DMD: variants seen among roughly 807,000 people sequenced by gnomAD.
DMD encodes mutant dystrophin.
A neutral mutation model predicts 330.1 loss-of-function variants in DMD; 63 were observed. The observed-to-expected ratio is 0.19, with a 90% CI of 0.16 to 0.24. The LOEUF is 0.24. Among genes scored for constraint, DMD ranks in the 10% least tolerant of loss-of-function variants. DMD has a pLI of 1.00. For missense variants in DMD, 3,344 were observed against 2,684.1 expected, an observed-to-expected ratio of 1.25 and a Z score of -5.43; for synonymous variants, 1,223 against 959.8, an observed-to-expected ratio of 1.27 and a Z score of -5.07.
intron 4 of DMD, among the ~76,000 whole-genome samples, chrX:32,835,609 T>G (rs781308387): frequency 8.9e-6 from 1 of 111,898 alleles, no homozygotes; most frequent in Non-Finnish European, 1.9e-5. Flanking sequence ...AACACAGACG[T>G]AGTGTCTGAG....
intron 20 of DMD, among the ~76,000 whole-genome samples, chrX:32,489,053 G>T (rs2042743778): frequency 9.0e-6 from 1 of 111,058 alleles, no homozygotes; most frequent in South Asian, 3.8e-4. Flanking sequence ...GTTTTTCCCT[G>T]TTACTCATTC....
chrX:32,212,018 A>G, intron 44 of DMD, among the ~76,000 whole-genome samples: 1 of 111,815 alleles, frequency 8.9e-6, no homozygotes, highest in South Asian at 3.7e-4. Flanking sequence ...TCCTATTTTC[A>G]CTGAAGGGAC....
chrX:32,924,859 C>T (rs1040515330), intron 2 of DMD, among the ~76,000 whole-genome samples: 3 of 111,112 alleles, frequency 2.7e-5, no homozygotes, highest in African/African-American at 9.8e-5. Flanking sequence ...AGTACTTCAG[C>T]AGTAGGTCAG....
At chrX:32,819,541 G>A (rs1410922531) in intron 5 of DMD, among the ~76,000 whole-genome samples, 1 of 111,836 alleles carries the variant, frequency 8.9e-6, no homozygotes, top group Non-Finnish European at 1.9e-5. Flanking sequence ...ACCTGCCTAT[G>A]TTACAAAATA....
chrX:31,536,888 C>G (rs941396561), intron 55 of DMD, among the ~76,000 whole-genome samples: 2 of 111,755 alleles, frequency 1.8e-5, no homozygotes, highest in African/African-American at 6.5e-5. Flanking sequence ...GCCATTTAAA[C>G]ATGTGTAAGT....
At chrX:32,474,204 T>TACACACACACACACACACAC (rs1389594342) in intron 21 of DMD, among the ~76,000 whole-genome samples, 2 of 37,614 alleles carry the variant, frequency 5.3e-5, no homozygotes, top group African/African-American at 9.8e-5. Flanking sequence ...TATACATACA[T>TACACACACACACACACACAC]ACATACACAC....
intron 11 of DMD, among the ~76,000 whole-genome samples, chrX:32,641,006 A>G (rs73621812): frequency 0.022 from 2,414 of 111,388 alleles, 72 homozygotes; most frequent in African/African-American, 0.074. Context: ...TTCCTCCAGC[A>G]AGCCAAACTG....
chrX:32,260,954 C>A (rs368914364), intron 43 of DMD, among the ~76,000 whole-genome samples: 2 of 96,453 alleles, frequency 2.1e-5, no homozygotes, highest in East Asian at 5.7e-4. Context: ...TTATAAGTGC[C>A]AGACTATGAA....
intron 43 of DMD, among the ~76,000 whole-genome samples, chrX:32,227,829 GTGT>G (rs755969902): frequency 9.0e-6 from 1 of 111,231 alleles, no homozygotes; most frequent in South Asian, 3.8e-4. Flanking sequence ...GATTTCTAAA[GTGT>G]TGTTTAAACT....
intron 44 of DMD, among the ~76,000 whole-genome samples, chrX:32,054,576 G>A (rs2096151030): frequency 9.2e-6 from 1 of 108,836 alleles, no homozygotes; most frequent in South Asian, 4.0e-4. Context: ...CTTTGGAGAA[G>A]TGACTTCTCC....
chrX:33,006,429 G>T (rs2093397691), intron 2 of DMD, among the ~76,000 whole-genome samples: 2 of 111,808 alleles, frequency 1.8e-5, no homozygotes, highest in Admixed American at 9.5e-5. Context: ...TGTGGAAATA[G>T]ACCCACATGA....
chrX:32,265,034 T>C (rs1021784253), intron 43 of DMD, among the ~76,000 whole-genome samples: 3 of 112,477 alleles, frequency 2.7e-5, no homozygotes, highest in African/African-American at 9.7e-5. Context: ...AATTTGCATA[T>C]GTAACGAGGA....
At chrX:32,031,728 G>A (rs761681884) in intron 44 of DMD, among the ~76,000 whole-genome samples, 97 of 111,805 alleles carry the variant, frequency 8.7e-4, no homozygotes, top group African/African-American at 2.9e-3. Flanking sequence ...TGGAAACAGC[G>A]GAAGGGGAGC....
intron 37 of DMD, among the ~76,000 whole-genome samples, chrX:32,357,565 G>C (rs1043776693): frequency 2.8e-5 from 3 of 108,976 alleles, no homozygotes; most frequent in Non-Finnish European, 5.7e-5. Context: ...ATCTCATCTA[G>C]ACTACTGCAA....
chrX:31,133,001 A>G (rs949760853), intron 77 of DMD, among the ~76,000 whole-genome samples: 8 of 112,116 alleles, frequency 7.1e-5, no homozygotes, highest in African/African-American at 2.6e-4. Context: ...TTCCTTAGCA[A>G]CGCTCTACCA....
At chrX:32,642,661 A>G (rs1243345810) in intron 11 of DMD, among the ~76,000 whole-genome samples, 2 of 112,204 alleles carry the variant, frequency 1.8e-5, no homozygotes, top group African/African-American at 6.5e-5. Context: ...AAAAGTTGCA[A>G]TTTTAATTCC....
intron 63 of DMD, among the ~76,000 whole-genome samples, chrX:31,247,826 T>C (rs1027611659): frequency 9.0e-6 from 1 of 111,629 alleles, no homozygotes; most frequent in Admixed American, 9.5e-5. Flanking sequence ...CGTGAAGATA[T>C]GGCTGAATTG....
chrX:33,063,264 C>G lies in DMD; in HGVS notation c.32-43064G>C, dbSNP rs1444033006. On this transcript the variant is annotated intron_variant, in intron 1 of 78. Coordinates refer to ENST00000357033, the MANE Select transcript of DMD (RefSeq NM_004006.3). Reference sequence around the variant, plus strand: ...AAGATTACTTTGGTTACCAGAGACTCTGCCAAATTTTCAATGATAATTTAC... The same window carrying G: ...AAGATTACTTTGGTTACCAGAGACTGTGCCAAATTTTCAATGATAATTTAC... Among the ~76,000 whole-genome samples the G allele has an allele frequency of 2.2e-4, 25 of 111,146 alleles. 1 individual carries two copies. The highest frequency in any genetic ancestry group is 1.1e-3 in the Admixed American group (11 of 10,361).
At chrX:32,966,959 A>T (rs2092181777) in intron 2 of DMD, among the ~76,000 whole-genome samples, 1 of 112,171 alleles carries the variant, frequency 8.9e-6, no homozygotes, top group Non-Finnish European at 1.9e-5. Context: ...GTATAAAGCC[A>T]ACACTACCCA....
Sources: gnomAD v4.1 joint callset for allele counts (sites outside exome capture counted in the v4.1 genomes callset) on GRCh38, gnomAD v4.1.1 for gene constraint, MANE v1.5 for transcripts, NCBI Gene and HGNC (gene_info 2026-07-23, HGNC 2026-07-21) for gene names.